Variants in MEGF11 observed in about 807,000 individuals in gnomAD.
MEGF11 encodes multiple EGF like domains 11.
MEGF11 carries 126 observed loss-of-function variants against 146.6 expected under a neutral mutation model. The ratio of observed to expected loss-of-function variants is 0.86; its 90% CI spans 0.74 to 1.00. The LOEUF (loss-of-function observed/expected upper bound fraction) is 1.00, where lower values mean the gene tolerates loss of function less well. Among genes scored for constraint, MEGF11 ranks in the 50% least tolerant of loss-of-function variants. The pLI, the probability that MEGF11 is intolerant of heterozygous loss-of-function variation, is 0.00. For missense variants in MEGF11, 1,509 were observed against 1,521.2 expected (o/e 0.99, Z 0.13); for synonymous variants, 532 against 583.4 (o/e 0.91, Z 1.27).
chr15:66,063,163 T>C (rs1427640649), intron 5 of MEGF11, among the ~76,000 whole-genome samples: 1 of 152,238 alleles, frequency 6.6e-6, no homozygotes, highest in African/African-American at 2.4e-5. Context: ...TTCAAACAAA[T>C]GGCTTTGCAC....
intron 9 of MEGF11, among the ~76,000 whole-genome samples, chr15:65,958,840 C>A (rs1332375073): frequency 6.6e-6 from 1 of 152,232 alleles, no homozygotes; most frequent in Non-Finnish European, 1.5e-5. Flanking sequence ...CAAACTAACA[C>A]ACCAAAGAAG....
At chr15:66,057,504 A>C (rs1010907641) in intron 5 of MEGF11, among the ~76,000 whole-genome samples, 11 of 152,238 alleles carry the variant, frequency 7.2e-5, no homozygotes, top group African/African-American at 2.4e-4. Context: ...TAGGTCTCCC[A>C]GTTAAATATT....
intron 5 of MEGF11, among the ~76,000 whole-genome samples, chr15:66,073,749 A>G (rs1452694571): frequency 6.6e-6 from 1 of 151,998 alleles, no homozygotes; most frequent in Non-Finnish European, 1.5e-5. Flanking sequence ...CCAAATTTTC[A>G]CTGGTAATAT....
At chr15:66,191,394 G>C (rs2090873617) in intron 1 of MEGF11, among the ~76,000 whole-genome samples, 1 of 152,200 alleles carries the variant, frequency 6.6e-6, no homozygotes, top group African/African-American at 2.4e-5. Flanking sequence ...CACATAGTTG[G>C]GTGGAAAAAT....
chr15:66,253,381 C>G (rs968256681), intron 1 of MEGF11, among the ~76,000 whole-genome samples: 3 of 152,212 alleles, frequency 2.0e-5, no homozygotes, highest in South Asian at 2.1e-4. Flanking sequence ...CCTGCCGGAC[C>G]CCCTGGCGCT....
At chr15:66,147,106 A>T (rs73469745) in intron 1 of MEGF11, among the ~76,000 whole-genome samples, 12 of 152,008 alleles carry the variant, frequency 7.9e-5, no homozygotes, top group African/African-American at 2.9e-4. Flanking sequence ...TGCCACTGAC[A>T]CCCAAAAGTG....
chr15:66,178,096 C>T (rs1478584248), intron 1 of MEGF11, among the ~76,000 whole-genome samples: 4 of 152,172 alleles, frequency 2.6e-5, no homozygotes, highest in Admixed American at 2.6e-4. Context: ...TTTGCTCAAG[C>T]AATCCTACCT....
intron 4 of MEGF11, among the ~76,000 whole-genome samples, chr15:66,102,602 G>GT (rs34781176): frequency 0.17 from 26,115 of 151,098 alleles, 2,420 homozygotes; most frequent in East Asian, 0.33. Flanking sequence ...AATTAAAAAA[G>GT]TTTTTTTTGT....
chr15:66,172,988 A>G (rs1237172104), intron 1 of MEGF11, among the ~76,000 whole-genome samples: 1 of 152,100 alleles, frequency 6.6e-6, no homozygotes, highest in Non-Finnish European at 1.5e-5. Flanking sequence ...CTACCCTGGG[A>G]GGGGAGTGTT....
rs1400994101 is a variant in MEGF11, at chr15:65,955,782, A to G, written c.1287+1765T>C. Reference sequence around the variant, plus strand: ...AAAAAATATATATATATATATATATATATATATATATACACACACACACAC... The same window carrying G: ...AAAAAATATATATATATATATATATGTATATATATATACACACACACACAC... On this transcript the variant is annotated intron_variant, in intron 10 of 25. Transcript: ENST00000395614. Among the ~76,000 whole-genome samples the G allele has an allele frequency of 6.6e-5, 3 of 45,144 alleles. 1 individual carries two copies. The highest frequency in any genetic ancestry group is 1.5e-4 in the African/African-American group (2 of 13,392). The allele number at this position is 45,144 out of a possible 152,430, so 29.6% of individuals were successfully genotyped here.
At chr15:66,093,122 T>C (rs1380324903) in intron 5 of MEGF11, among the ~76,000 whole-genome samples, 1 of 152,192 alleles carries the variant, frequency 6.6e-6, no homozygotes, top group Non-Finnish European at 1.5e-5. Context: ...AGGAGGCCAC[T>C]GTGGTCACTG....
Position 66,224,279 on chromosome 15 carries a change from C to T in MEGF11, c.-9+29326G>A, listed in dbSNP as rs574736420. 3.9e-5 allele frequency among the ~76,000 whole-genome samples: 6 copies of T among 152,122 alleles called. 1 individual carries two copies. Among genetic ancestry groups the T allele is most frequent in the African/African-American group, 1.4e-4 (6 of 41,500 alleles). ...TGTGTGTGGATAAAAGGAATTAATG[C>T]ATATAAAGTATCTGGCCGAGCACAG... On this transcript the variant is annotated intron_variant, in intron 1 of 25. Transcript: ENST00000395614.
At chr15:66,081,020 G>A (rs1172802217) in intron 5 of MEGF11, among the ~76,000 whole-genome samples, 1 of 152,246 alleles carries the variant, frequency 6.6e-6, no homozygotes, top group Non-Finnish European at 1.5e-5. Flanking sequence ...TCGAGAGAGA[G>A]CTGAGGCCTC....
At chr15:66,211,970 CAA>C (rs2091466424) in intron 1 of MEGF11, among the ~76,000 whole-genome samples, 3 of 120 alleles carry the variant, frequency 0.025, no homozygotes, top group Middle Eastern at 0.5. Flanking sequence ...TCTCAAGACT[CAA>C]AGAGACCACC....
At chr15:66,057,995 A>G (rs937215630) in intron 5 of MEGF11, among the ~76,000 whole-genome samples, 2 of 152,254 alleles carry the variant, frequency 1.3e-5, no homozygotes, top group Admixed American at 1.3e-4. Context: ...AAAAGAATTT[A>G]GAAATGACAT....
Position 66,184,647 on chromosome 15 carries a change from G to A in MEGF11, c.-8-56236C>T, listed in dbSNP as rs114933652. Among the ~76,000 whole-genome samples, 363 of 150,400 alleles carry A rather than the reference G, an allele frequency of 2.4e-3. 2 individuals carry two copies. The highest frequency in any genetic ancestry group is 8.7e-3 in the African/African-American group (354 of 40,704). On this transcript the variant is annotated intron_variant, in intron 1 of 25. Transcript: ENST00000395614. Reference sequence around the variant, plus strand: ...AGACCAAAATGTGCACCCTGCCCTGGGTGCCTCCCACCTACTCCCCCTCAA... The same window carrying A: ...AGACCAAAATGTGCACCCTGCCCTGAGTGCCTCCCACCTACTCCCCCTCAA...
At chr15:66,029,623 C>T (rs2083450053) in intron 5 of MEGF11, among the ~76,000 whole-genome samples, 1 of 152,194 alleles carries the variant, frequency 6.6e-6, no homozygotes, top group South Asian at 2.1e-4. Flanking sequence ...CCCTGAGGGG[C>T]GCAGACCCAG....
intron 1 of MEGF11, among the ~76,000 whole-genome samples, chr15:66,241,194 C>T (rs1192251874): frequency 6.6e-6 from 1 of 152,186 alleles, no homozygotes; most frequent in Non-Finnish European, 1.5e-5. Flanking sequence ...GGTCTCTACC[C>T]ACTGAACCAG....
intron 1 of MEGF11, among the ~76,000 whole-genome samples, chr15:66,230,953 C>T (rs1456009172): frequency 6.6e-6 from 1 of 152,202 alleles, no homozygotes; most frequent in East Asian, 1.9e-4. Context: ...CCATTCCTGG[C>T]CAAGTGGGCT....
Sources: gnomAD v4.1 joint callset for allele counts (sites outside exome capture counted in the v4.1 genomes callset) on GRCh38, gnomAD v4.1.1 for gene constraint, MANE v1.5 for transcripts, NCBI Gene and HGNC (gene_info 2026-07-23, HGNC 2026-07-21) for gene names.